SLIT3: variants seen among roughly 807,000 people sequenced by gnomAD.
The protein encoded by SLIT3 is slit guidance ligand 3.
SLIT3 carries 68 observed loss-of-function variants against 184.0 expected under a neutral mutation model. The ratio of observed to expected loss-of-function variants is 0.37; its 90% CI spans 0.30 to 0.45. The LOEUF is 0.45. Among genes scored for constraint, SLIT3 ranks in the 20% least tolerant of loss-of-function variants. SLIT3 has a pLI of 1.00. For synonymous variants in SLIT3, 831 were observed against 828.6 expected (o/e 1.00, Z -0.05); for missense variants, 1,707 against 2,026.0 (o/e 0.84, Z 3.02).
intron 4 of SLIT3, among the ~76,000 whole-genome samples, chr5:169,147,718 C>T (rs1166256961): frequency 6.6e-6 from 1 of 152,108 alleles, no homozygotes; most frequent in Non-Finnish European, 1.5e-5. Flanking sequence ...TGAAGAGGGC[C>T]AGGATGAGAG....
At chr5:169,142,935 T>C (rs961285286) in intron 4 of SLIT3, among the ~76,000 whole-genome samples, 4 of 152,212 alleles carry the variant, frequency 2.6e-5, no homozygotes, top group African/African-American at 9.7e-5. Context: ...AATAAAAGAA[T>C]ATATCTTTGG....
intron 3 of SLIT3, among the ~76,000 whole-genome samples, chr5:169,202,411 TAC>T (rs1217002861): frequency 6.6e-6 from 1 of 152,094 alleles, no homozygotes. Flanking sequence ...CAGACACTGT[TAC>T]AGTCATTAAG....
At chr5:168,957,651 C>G (rs1409947885) in intron 4 of SLIT3, among the ~76,000 whole-genome samples, 1 of 152,218 alleles carries the variant, frequency 6.6e-6, no homozygotes, top group Non-Finnish European at 1.5e-5. Flanking sequence ...ACTTGTGGAG[C>G]TGGTCAAAGC....
chr5:169,093,469 T>TTGGGGG, intron 4 of SLIT3, among the ~76,000 whole-genome samples: 1 of 151,310 alleles, frequency 6.6e-6, no homozygotes, highest in Non-Finnish European at 1.5e-5. Context: ...GGGCAGGGGC[T>TTGGGGG]TGGGGGTGGG....
chr5:169,113,664 T>TC (rs1233116779), intron 4 of SLIT3, among the ~76,000 whole-genome samples: 1 of 150,172 alleles, frequency 6.7e-6, no homozygotes. Context: ...TTTTCTTTTT[T>TC]TTTTTTTTTT....
intron 3 of SLIT3, among the ~76,000 whole-genome samples, chr5:169,238,543 C>CTTTTTTTTT (rs71698425): frequency 1.7e-5 from 2 of 117,140 alleles, no homozygotes; most frequent in Admixed American, 8.9e-5. Flanking sequence ...AGTGAAATAG[C>CTTTTTTTTT]TTTTTTTTTT....
intron 4 of SLIT3, among the ~76,000 whole-genome samples, chr5:169,007,609 C>T (rs1390083551): frequency 6.6e-6 from 1 of 152,242 alleles, no homozygotes; most frequent in African/African-American, 2.4e-5. Flanking sequence ...TGTTTGCCTA[C>T]ATACACTGCA....
chr5:169,260,539 G>A (rs1374593852), intron 1 of SLIT3, among the ~76,000 whole-genome samples: 1 of 152,140 alleles, frequency 6.6e-6, no homozygotes, highest in Non-Finnish European at 1.5e-5. Context: ...TTGGTTCCAG[G>A]ACACTTTTCT....
chr5:169,054,878 C>T (rs560961493), intron 4 of SLIT3, among the ~76,000 whole-genome samples: 1 of 152,260 alleles, frequency 6.6e-6, no homozygotes, highest in African/African-American at 2.4e-5. Flanking sequence ...CCTAGGGGGT[C>T]CCATTATCTG....
chr5:169,007,136 G>A (rs189429022), intron 4 of SLIT3, among the ~76,000 whole-genome samples: 4 of 152,222 alleles, frequency 2.6e-5, no homozygotes, highest in Non-Finnish European at 5.9e-5. Flanking sequence ...AGTTTCCCCT[G>A]CTCTTCTCTC....
chr5:168,907,356 C>T (rs1054522072), intron 4 of SLIT3, among the ~76,000 whole-genome samples: 7 of 152,178 alleles, frequency 4.6e-5, no homozygotes, highest in Admixed American at 2.6e-4. Context: ...ATCCTTTTTC[C>T]TCTTCCACGT....
intron 4 of SLIT3, among the ~76,000 whole-genome samples, chr5:169,167,344 G>C (rs1414949934): frequency 1.6e-5 from 2 of 127,820 alleles, no homozygotes; most frequent in Non-Finnish European, 3.1e-5. Context: ...GTGCGATCTT[G>C]GCTCACTGCA....
At chr5:169,022,089 G>A (rs1203905758) in intron 4 of SLIT3, 1 of 152,244 alleles carries the variant, frequency 6.6e-6, no homozygotes, top group Non-Finnish European at 1.5e-5. Context: ...GAAAACATCA[G>A]GGGGCAAGCC....
intron 3 of SLIT3, among the ~76,000 whole-genome samples, chr5:169,203,829 A>C (rs1763980792): frequency 6.6e-6 from 1 of 152,170 alleles, no homozygotes; most frequent in South Asian, 2.1e-4. Context: ...AAAACTTTGG[A>C]ACTACTGTTA....
intron 6 of SLIT3, among the ~76,000 whole-genome samples, chr5:168,836,702 C>A (rs138635051): frequency 6.6e-6 from 1 of 152,244 alleles, no homozygotes; most frequent in South Asian, 2.1e-4. Flanking sequence ...CCACGACTTG[C>A]CGACTCCCCC....
intron 28 of SLIT3, among the ~76,000 whole-genome samples, chr5:168,695,331 G>A (rs1478380205): frequency 6.6e-6 from 1 of 152,202 alleles, no homozygotes; most frequent in Non-Finnish European, 1.5e-5. Context: ...AGTGTTCGAG[G>A]ATGGGGAAAG....
At chr5:168,997,881 A>G (rs1755568443) in intron 4 of SLIT3, among the ~76,000 whole-genome samples, 1 of 152,182 alleles carries the variant, frequency 6.6e-6, no homozygotes, top group Non-Finnish European at 1.5e-5. Context: ...CAACCCTTGC[A>G]TGGCTTTATC....
chr5:168,770,596 T>A (rs1353677404), intron 14 of SLIT3, among the ~76,000 whole-genome samples: 3 of 152,146 alleles, frequency 2.0e-5, no homozygotes, highest in African/African-American at 4.8e-5. Flanking sequence ...GTGCTACGTG[T>A]CAGTCTCATG....
chr5:168,782,027 GTTAGCTGCTATTAT>G (rs1170834951), intron 12 of SLIT3, among the ~76,000 whole-genome samples: 1 of 152,202 alleles, frequency 6.6e-6, no homozygotes, highest in Non-Finnish European at 1.5e-5. Context: ...TTCAATAAAT[GTTAGCTGCTATTAT>G]TAGCAGTAGT....
Sources: gnomAD v4.1 joint callset for allele counts (sites outside exome capture counted in the v4.1 genomes callset) on GRCh38, gnomAD v4.1.1 for gene constraint, MANE v1.5 for transcripts, NCBI Gene and HGNC (gene_info 2026-07-23, HGNC 2026-07-21) for gene names.